The following DNMT3A variants were observed in gnomAD, a reference collection of about 807,000 sequenced individuals.
DNMT3A encodes DNA (cytosine-5)-methyltransferase 3A.
Under a neutral mutation model 117.6 loss-of-function variants are expected in DNMT3A, and 267 were observed. The observed-to-expected ratio is 2.27, with a 90% CI of 2.05 to 2.51. The LOEUF (loss-of-function observed/expected upper bound fraction) is 2.51. DNMT3A is among the 30% of genes most tolerant of loss of function. DNMT3A has a pLI of 0.00. For synonymous variants in DNMT3A, 432 were observed against 474.8 expected, an observed-to-expected ratio of 0.91 and a Z score of 1.17; for missense variants, 1,029 against 1,260.2, an observed-to-expected ratio of 0.82 and a Z score of 2.78.
intron 2 of DNMT3A, among the ~76,000 whole-genome samples, chr2:25,307,918 A>G (rs1338657522): frequency 6.6e-6 from 1 of 152,140 alleles, no homozygotes; most frequent in Non-Finnish European, 1.5e-5. Flanking sequence ...CCCTGAAGGG[A>G]TCTACAGCCC....
chr2:25,262,939 CCTCTTT>C (rs1676737066), intron 6 of DNMT3A, among the ~76,000 whole-genome samples: 1 of 152,150 alleles, frequency 6.6e-6, no homozygotes, highest in South Asian at 2.1e-4. Flanking sequence ...ATGCCTTCCT[CCTCTTT>C]AACACTTTTT....
At chr2:25,328,691 C>A (rs986281767) in intron 1 of DNMT3A, 1 of 521,160 alleles carries the variant, frequency 1.9e-6, no homozygotes, top group Non-Finnish European at 3.9e-6. Flanking sequence ...CAGCACAGTG[C>A]TGCGGTGCCT....
intron 3 of DNMT3A, among the ~76,000 whole-genome samples, chr2:25,283,820 C>A (rs566836701): frequency 6.6e-6 from 1 of 152,314 alleles, no homozygotes; most frequent in South Asian, 2.1e-4. Context: ...TGTGTCACTG[C>A]GCAGTGGACA....
chr2:25,246,071 G>A lies in DNMT3A; in HGVS notation c.1430-7C>T, dbSNP rs1674714406. 6.2e-7 allele frequency: 1 copy of A among 1,614,206 alleles called. No homozygotes were observed. The highest frequency in any genetic ancestry group is 8.5e-7 in the Non-Finnish European group (1 of 1,180,038). On this transcript the variant is annotated splice_region_variant and splice_polypyrimidine_tract_variant and intron_variant, in intron 11 of 22. Coordinates refer to ENST00000321117, the MANE Select transcript of DNMT3A (RefSeq NM_022552.5). The stretch of plus-strand genomic sequence containing the variant: ...ACCTCGTACACCAGCCGCTCTGCAA[G>A]GGGAGGAGAGCTGGCGTCAGAGGAG...
At position 25,240,447 on chromosome 2, in the gene DNMT3A, C is replaced by A. The variant is rs1432383727; in HGVS notation, c.2177G>T (p.Gly726Val). 1 of 1,605,274 alleles carries A rather than the reference C, an allele frequency of 6.2e-7. No individual in the cohort carries two copies. Among genetic ancestry groups the A allele is most frequent in the Non-Finnish European group, 8.5e-7 (1 of 1,175,758 alleles). The change falls in exon 19 of 23, where the codon GGC becomes GTC. Residue 726 changes from glycine (G) to valine (V), a missense_variant. Physicochemically the swap from Gly to Val is moderately radical, Grantham distance 109 (BLOSUM62 -3). Transcript: ENST00000321117. ...GAACTCAAAGAAGAGCCGGCCAGTG[C>A]CCTCTGAGAGGTCGGAAGAGAAAGC... ...VNPARKGLYE[G>V]TGRLFFEFYR...
intron 6 of DNMT3A, among the ~76,000 whole-genome samples, chr2:25,270,315 T>C (rs1286408289): frequency 6.6e-6 from 1 of 152,208 alleles, no homozygotes; most frequent in Non-Finnish European, 1.5e-5. Flanking sequence ...AGCATTCGTC[T>C]ACGCCCCATT....
intron 1 of DNMT3A, among the ~76,000 whole-genome samples, chr2:25,340,791 C>T (rs1478915207): frequency 8.0e-5 from 12 of 150,732 alleles, no homozygotes; most frequent in Non-Finnish European, 1.8e-4. Context: ...CGACCCCGGG[C>T]GTACCCCCCC....
chr2:25,293,278 G>A lies in DNMT3A; in HGVS notation c.177+6861C>T, dbSNP rs1028544960. On this transcript the variant is annotated intron_variant, in intron 3 of 22. Transcript: ENST00000321117. This position sits in a 1 kb window ranked among gnomAD's most constrained non-coding sequence, Gnocchi z 4.7. ...CCCCCACAGGCCCTGGGACTTTGCT[G>A]GCGCCCCTGCCCCCTCCCCTCTCCC... Among the ~76,000 whole-genome samples, 18 of 152,124 alleles carry A rather than the reference G, an allele frequency of 1.2e-4. No homozygotes were observed. Among genetic ancestry groups the A allele is most frequent in the Non-Finnish European group, 1.2e-4 (8 of 68,010 alleles).
rs147701161 is a variant in DNMT3A at position 25,293,882 on chromosome 2, G to T, written c.177+6257C>A. Among the ~76,000 whole-genome samples the T allele has an allele frequency of 4.9e-3, 743 of 152,306 alleles. 2 individuals carry two copies. The highest frequency in any genetic ancestry group is 7.3e-3 in the Non-Finnish European group (499 of 68,020). On this transcript the variant is annotated intron_variant, in intron 3 of 22. Transcript: ENST00000321117. The surrounding 1 kb of genome is among the most constrained non-coding windows in gnomAD (Gnocchi z 4.7). ...GATGGGGTTTTGCCATGTTGGCCAGGCTGGTCTCGAATTCCTGGCCTCAAG... is the reference window on the plus strand; with the variant it reads ...GATGGGGTTTTGCCATGTTGGCCAGTCTGGTCTCGAATTCCTGGCCTCAAG...
Position 25,248,110 on chromosome 2 carries a change from G to A in DNMT3A, c.782C>T (p.Thr261Met), listed in dbSNP as rs750005872. 3.1e-6 allele frequency: 5 copies of A among 1,613,580 alleles called. No individual in the cohort carries two copies. The highest frequency in any genetic ancestry group is 4.2e-6 in the Non-Finnish European group (5 of 1,179,996). ...TDPASPTVAT[T>M]PEPVGSDAGD... Reference sequence around the variant, plus strand: ...AGCATCGGACCCCACGGGCTCAGGCGTGGTAGCCACAGTGGGGGATGCGGG... The same window carrying A: ...AGCATCGGACCCCACGGGCTCAGGCATGGTAGCCACAGTGGGGGATGCGGG... Residue 261 changes from threonine to methionine, a missense_variant, in exon 7 of 23, where the codon ACG (threonine) becomes ATG (methionine). Transcript: ENST00000321117.
chr2:25,284,092 A>G (rs1482590915), intron 3 of DNMT3A, among the ~76,000 whole-genome samples: 1 of 152,214 alleles, frequency 6.6e-6, no homozygotes, highest in Non-Finnish European at 1.5e-5. Flanking sequence ...AGGGGTCCCC[A>G]TGGCTCGGCA....
chr2:25,326,106 A>ATGTGTGTGTG (rs1159330144), intron 1 of DNMT3A, among the ~76,000 whole-genome samples: 18 of 103,276 alleles, frequency 1.7e-4, no homozygotes, highest in African/African-American at 6.6e-4. Context: ...AACTTGATAT[A>ATGTGTGTGTG]TATGTGTGTG....
At position 25,282,117 on chromosome 2, in the gene DNMT3A, C is replaced by T. The variant is rs891507586; in HGVS notation, c.448+324G>A. The T allele has an allele frequency of 9.6e-6, 11 of 1,142,070 alleles. No individual in the cohort carries two copies. Among genetic ancestry groups the T allele is most frequent in the African/African-American group, 1.6e-5 (1 of 61,374 alleles). 70.7% of individuals were successfully genotyped at this position (1,142,070 alleles called of 1,614,324 possible). ...ACCGCCATTATCCCAGTCTAGCAAT[C>T]GTTGGCGTTATGAAAGCCCGCTGTT... On this transcript the variant is annotated intron_variant, in intron 4 of 22. Transcript: ENST00000321117. This position sits in a 1 kb window ranked among gnomAD's most constrained non-coding sequence, Gnocchi z 5.2.
chr2:25,339,027 C>A lies in DNMT3A; in HGVS notation c.-178+2799G>T, dbSNP rs144731239. 6.6e-6 allele frequency among the ~76,000 whole-genome samples: 1 copy of A among 152,172 alleles called. No individual in the cohort carries two copies. The highest frequency in any genetic ancestry group is 2.4e-5 in the African/African-American group (1 of 41,502). On this transcript the variant is annotated intron_variant, in intron 1 of 22. Transcript: ENST00000321117. The surrounding 1 kb of genome is among the most constrained non-coding windows in gnomAD (Gnocchi z 4.9). ...CACCCTCTGCAGAGTCGGACGTGAC[C>A]AACCCGTCTCTTGCAGGGACCCTCC...
chr2:25,279,213 C>T lies in DNMT3A; in HGVS notation c.448+3228G>A, dbSNP rs146060733. ...CCCTATCACTCATCTCATCATCTCC[C>T]GTCTTCCTGATTCTTTCTCCTGGCT... On this transcript the variant is annotated intron_variant, in intron 4 of 22. Coordinates refer to ENST00000321117, the MANE Select transcript of DNMT3A (RefSeq NM_022552.5). Among the ~76,000 whole-genome samples, 775 of 152,296 alleles carry T rather than the reference C, an allele frequency of 5.1e-3. 1 individual carries two copies. The highest frequency in any genetic ancestry group is 0.014 in the Middle Eastern group (4 of 294).
chr2:25,229,777 C>A lies in DNMT3A; in HGVS notation c.*4502G>T, dbSNP rs1472875924. 6.6e-6 allele frequency: 1 copy of A among 152,202 alleles called. No individual in the cohort carries two copies. Among genetic ancestry groups the A allele is most frequent in the Non-Finnish European group, 1.5e-5 (1 of 68,032 alleles). 9.4% of individuals were successfully genotyped at this position (152,202 alleles called of 1,614,324 possible). ...GCAACAGGAATTCAAAACTGCCTCC[C>A]AAATGTACTCTATTTATATAAGCAA... On this transcript the variant is annotated 3_prime_UTR_variant, in exon 23 of 23. Coordinates refer to ENST00000321117, the MANE Select transcript of DNMT3A (RefSeq NM_022552.5).
Position 25,246,144 on chromosome 2 carries a change from G to A in DNMT3A, c.1429+16C>T, listed in dbSNP as rs770477027. ...AGGCCTCCTGGTGCCACCCTCTCCA[G>A]AAGCAGGCCAACTACCTCTTGTGCG... On this transcript the variant is annotated intron_variant, in intron 11 of 22. Coordinates refer to ENST00000321117, the MANE Select transcript of DNMT3A (RefSeq NM_022552.5). 29 of 1,614,112 alleles carry A rather than the reference G, an allele frequency of 1.8e-5. 1 individual carries two copies. The South Asian group carries it at 3.2e-4, about 18-fold the overall frequency.
Position 25,282,487 on chromosome 2 carries a change from A to G in DNMT3A, c.402T>C (p.Asn134=). 6.2e-7 allele frequency: 1 copy of G among 1,613,222 alleles called. No homozygotes were observed. The highest frequency in any genetic ancestry group is 8.5e-7 in the Non-Finnish European group (1 of 1,179,906). ...TLPEASRAVE[N]GCCTPKEGRG... is the part of the protein sequence containing the mutation. Reference sequence around the variant, plus strand: ...GGCCCTCCTTGGGGGTGCAGCAGCCATTTTCCACTGCTCTTGAGGCTTCAG... The same window carrying G: ...GGCCCTCCTTGGGGGTGCAGCAGCCGTTTTCCACTGCTCTTGAGGCTTCAG... The change falls in exon 4 of 23, where the codon AAT becomes AAC. Residue 134 remains asparagine (N), a synonymous_variant. Transcript: ENST00000321117. The surrounding 1 kb of genome is among the most constrained non-coding windows in gnomAD (Gnocchi z 5.2).
intron 16 of DNMT3A, among the ~76,000 whole-genome samples, chr2:25,242,781 C>CT (rs1168760001): frequency 6.6e-6 from 1 of 152,172 alleles, no homozygotes; most frequent in Non-Finnish European, 1.5e-5. Flanking sequence ...TCCTAGGACG[C>CT]TTTCTGCAGT....
Sources: allele counts gnomAD v4.1 joint callset (sites outside exome capture counted in the v4.1 genomes callset), GRCh38; gene constraint gnomAD v4.1.1; non-coding constraint Gnocchi (gnomAD v3.1); transcripts MANE v1.5; gene names NCBI Gene and HGNC (gene_info 2026-07-23, HGNC 2026-07-21).